The following RAB3IL1 variants were observed in gnomAD, a reference collection of about 807,000 sequenced individuals.
The protein encoded by RAB3IL1 is RAB3A interacting protein like 1.
A neutral mutation model predicts 49.2 loss-of-function variants in RAB3IL1; 37 were observed. The ratio of observed to expected loss-of-function variants is 0.75; its 90% CI spans 0.58 to 0.99. The LOEUF (loss-of-function observed/expected upper bound fraction) is 0.99. Among genes scored for constraint, RAB3IL1 ranks in the 50% least tolerant of loss-of-function variants. The probability of loss-of-function intolerance (pLI) is 0.00; values close to 1 mark genes in which losing one functional copy is unlikely to be tolerated. For missense variants in RAB3IL1, 484 were observed against 513.0 expected (o/e 0.94, Z 0.55); for synonymous variants, 193 against 213.9 (o/e 0.90, Z 0.85).
At chr11:61,901,897 G>A (rs1938935262) in intron 8 of RAB3IL1, among the ~76,000 whole-genome samples, 1 of 152,360 alleles carries the variant, frequency 6.6e-6, no homozygotes, top group Admixed American at 6.5e-5. Context: ...GGGGAACTGC[G>A]CTATTTTAAG....
chr11:61,906,027 T>C lies in RAB3IL1; in HGVS notation c.657+439A>G, dbSNP rs957857252. Among the ~76,000 whole-genome samples the C allele has an allele frequency of 2.6e-5, 4 of 152,152 alleles. No individual in the cohort carries two copies. The highest frequency in any genetic ancestry group is 9.7e-5 in the African/African-American group (4 of 41,426). On this transcript the variant is annotated intron_variant, in intron 5 of 9. Coordinates refer to ENST00000394836, the MANE Select transcript of RAB3IL1 (RefSeq NM_013401.4). This position sits in a 1 kb window ranked among gnomAD's most constrained non-coding sequence, Gnocchi z 4.6. The stretch of plus-strand genomic sequence containing the variant: ...CAGTCAGAGGGTGCCAGAAACCCCT[T>C]GAGCACAGGGCTGTCACCAGGTGGT...
intron 2 of RAB3IL1, 35 bp from the exon 3 acceptor site, chr11:61,907,695 G>C: frequency 6.3e-7 from 1 of 1,595,516 alleles, no homozygotes. Flanking sequence ...GAGCACCTCA[G>C]CATCCCCAGG....
chr11:61,906,320 C>A lies in RAB3IL1; in HGVS notation c.657+146G>T. On this transcript the variant is annotated intron_variant, in intron 5 of 9. Coordinates refer to ENST00000394836, the MANE Select transcript of RAB3IL1 (RefSeq NM_013401.4). The surrounding 1 kb of genome is among the most constrained non-coding windows in gnomAD (Gnocchi z 4.6). Reference sequence around the variant, plus strand: ...TCACAGGAGGTTGGAGAGAAAGGACCTGCCCAGCCCTCACATCCCAGAGAG... The same window carrying A: ...TCACAGGAGGTTGGAGAGAAAGGACATGCCCAGCCCTCACATCCCAGAGAG... 1.3e-6 allele frequency: 1 copy of A among 764,526 alleles called. No individual in the cohort carries two copies. Among genetic ancestry groups the A allele is most frequent in the South Asian group, 1.6e-5 (1 of 61,000 alleles). 47.4% of individuals were successfully genotyped at this position (764,526 alleles called of 1,614,324 possible). A position where few individuals can be genotyped will look rare whatever the true frequency, so the allele number is the denominator to read the frequency against.
In RAB3IL1 at chr11:61,907,668, A is replaced by G; in HGVS notation, c.265-8T>C. 6.2e-7 allele frequency: 1 copy of G among 1,613,444 alleles called. No individual in the cohort carries two copies. ...GTCCTTTAGCTTCAGCTCCTGGAGG[A>G]AAAGAGGCAGGCACTTGAGCACCTC... is the stretch of plus-strand genomic sequence containing the variant. On this transcript the variant is annotated splice_region_variant and splice_polypyrimidine_tract_variant and intron_variant, in intron 2 of 9. Coordinates refer to ENST00000394836, the MANE Select transcript of RAB3IL1 (RefSeq NM_013401.4).
At chr11:61,940,322 A>G in the RAB3IL1 span, among the ~76,000 whole-genome samples, 1 of 151,974 alleles carries the variant, frequency 6.6e-6, no homozygotes, top group Non-Finnish European at 1.5e-5. Flanking sequence ...ATGCCTGTAA[A>G]CCCAGCTACC....
chr11:61,937,611 A>G, the RAB3IL1 span, among the ~76,000 whole-genome samples: 3 of 152,210 alleles, frequency 2.0e-5, no homozygotes, highest in Non-Finnish European at 4.4e-5. Flanking sequence ...AAATTGTTCA[A>G]TATCCAAGAC....
chr11:61,945,583 A>G, the RAB3IL1 span, among the ~76,000 whole-genome samples: 2 of 152,314 alleles, frequency 1.3e-5, no homozygotes, highest in Non-Finnish European at 2.9e-5. Context: ...CAAACTCAAC[A>G]TGCCCATTTG....
intron 1 of RAB3IL1, among the ~76,000 whole-genome samples, chr11:61,913,675 C>A (rs557816646): frequency 1.3e-3 from 193 of 152,292 alleles, no homozygotes; most frequent in African/African-American, 4.6e-3. Context: ...CGACCCTGCC[C>A]ATTCAGTCCA....
At chr11:61,939,136 C>G in the RAB3IL1 span, among the ~76,000 whole-genome samples, 1 of 151,512 alleles carries the variant, frequency 6.6e-6, no homozygotes, top group Non-Finnish European at 1.5e-5. Flanking sequence ...TATGTTAGAC[C>G]ACAAAATAAG....
At chr11:61,916,410 C>A (rs967355000) in intron 1 of RAB3IL1, among the ~76,000 whole-genome samples, 2 of 152,170 alleles carry the variant, frequency 1.3e-5, no homozygotes, top group Non-Finnish European at 2.9e-5. Context: ...TCTCTCCACA[C>A]CCCCTGCTGG....
the RAB3IL1 span, among the ~76,000 whole-genome samples, chr11:61,929,048 G>C: frequency 6.6e-6 from 1 of 152,162 alleles, no homozygotes; most frequent in South Asian, 2.1e-4. Flanking sequence ...CTACATTATA[G>C]TTGTACATAT....
chr11:61,942,373 T>C, the RAB3IL1 span, among the ~76,000 whole-genome samples: 1 of 152,144 alleles, frequency 6.6e-6, no homozygotes, highest in South Asian at 2.1e-4. Context: ...TGTTCACTTG[T>C]TTATCTGCTG....
At chr11:61,908,334 T>A in intron 1 of RAB3IL1, 28 bp from the exon 2 acceptor site, 1 of 1,441,936 alleles carries the variant, frequency 6.9e-7, no homozygotes, top group Non-Finnish European at 9.1e-7. Flanking sequence ...TATCAGCAGG[T>A]TCAGGGTGGG....
At chr11:61,935,640 G>A in the RAB3IL1 span, among the ~76,000 whole-genome samples, 1,632 of 151,782 alleles carry the variant, frequency 0.011, 33 homozygotes, top group African/African-American at 0.035. Context: ...TCAGCCTCCC[G>A]AATAGCTGGG....
At chr11:61,903,827 T>C (rs1832882957) in intron 7 of RAB3IL1, among the ~76,000 whole-genome samples, 1 of 152,066 alleles carries the variant, frequency 6.6e-6, no homozygotes, top group Non-Finnish European at 1.5e-5. Flanking sequence ...ACCCGGCCTA[T>C]TGATGACTTT....
At chr11:61,920,699 G>A (rs1425545146), upstream of RAB3IL1, among the ~76,000 whole-genome samples, 3 of 152,204 alleles carry the variant, frequency 2.0e-5, no homozygotes, top group Non-Finnish European at 4.4e-5. Context: ...TGAGGCGGGC[G>A]GATGACCTGA....
chr11:61,932,054 A>G, the RAB3IL1 span, among the ~76,000 whole-genome samples: 1 of 152,030 alleles, frequency 6.6e-6, no homozygotes, highest in African/African-American at 2.4e-5. Flanking sequence ...GTTTGAGACC[A>G]TCCTGGCTAA....
chr11:61,936,356 T>C, the RAB3IL1 span, among the ~76,000 whole-genome samples: 1 of 152,300 alleles, frequency 6.6e-6, no homozygotes, highest in East Asian at 1.9e-4. Flanking sequence ...CCAAGATACA[T>C]TAGAATCGAA....
chr11:61,942,786 G>C, the RAB3IL1 span, among the ~76,000 whole-genome samples: 1 of 152,184 alleles, frequency 6.6e-6, no homozygotes, highest in Non-Finnish European at 1.5e-5. Context: ...AAAAGAATAA[G>C]AGACTTCGGA....
Sources: allele counts gnomAD v4.1 joint callset (sites outside exome capture counted in the v4.1 genomes callset), GRCh38; gene constraint gnomAD v4.1.1; non-coding constraint Gnocchi (gnomAD v3.1); transcripts MANE v1.5; gene names NCBI Gene and HGNC (gene_info 2026-07-23, HGNC 2026-07-21).